Variants in GRID1 observed in about 807,000 individuals in gnomAD.
GRID1 encodes glutamate receptor ionotropic, delta-1.
A neutral mutation model predicts 98.0 loss-of-function variants in GRID1; 28 were observed. That is an observed-to-expected ratio of 0.29 (90% CI 0.21 to 0.39). The LOEUF (loss-of-function observed/expected upper bound fraction) is 0.39, where lower values mean the gene tolerates loss of function less well. Among genes scored for constraint, GRID1 ranks in the 10% least tolerant of loss-of-function variants. GRID1 has a pLI of 1.00. For missense variants in GRID1, 1,111 were observed against 1,340.5 expected, an observed-to-expected ratio of 0.83 and a Z score of 2.67; for synonymous variants, 553 against 538.5, an observed-to-expected ratio of 1.03 and a Z score of -0.37.
rs182620254 is a variant in GRID1 at position 86,221,511 on chromosome 10, G to A, written c.236-14863C>T. On this transcript the variant is annotated intron_variant, in intron 2 of 15. Transcript: ENST00000327946. ...AGCCTTTGTGGGCTGTGGGCTGTGG[G>A]AGTGGTGGAGGTCCAGCAGGTGGAG... Among the ~76,000 whole-genome samples the A allele has an allele frequency of 2.8e-4, 43 of 152,258 alleles. 1 individual carries two copies. Among genetic ancestry groups the A allele is most frequent in the Admixed American group, 2.3e-3 (35 of 15,304 alleles).
At chr10:86,085,234 C>T (rs1564670178) in intron 4 of GRID1, among the ~76,000 whole-genome samples, 1 of 152,182 alleles carries the variant, frequency 6.6e-6, no homozygotes, top group Non-Finnish European at 1.5e-5. Flanking sequence ...CAGCCTGGAA[C>T]CTTGGGTCCT....
intron 8 of GRID1, among the ~76,000 whole-genome samples, chr10:85,785,000 G>T (rs1842414108): frequency 6.6e-6 from 1 of 152,132 alleles, no homozygotes; most frequent in South Asian, 2.1e-4. Context: ...CTACACAATT[G>T]CAGAGGAGAT....
intron 3 of GRID1, among the ~76,000 whole-genome samples, chr10:86,194,810 C>A (rs1435093382): frequency 6.6e-6 from 1 of 151,958 alleles, no homozygotes; most frequent in African/African-American, 2.4e-5. Flanking sequence ...CACTCGGCCA[C>A]CAATGCTTAT....
At chr10:85,839,354 A>ATGG (rs1437144813) in intron 8 of GRID1, among the ~76,000 whole-genome samples, 1 of 152,214 alleles carries the variant, frequency 6.6e-6, no homozygotes, top group East Asian at 1.9e-4. Context: ...TCATTGCCAC[A>ATGG]TGGCACATAT....
intron 4 of GRID1, among the ~76,000 whole-genome samples, chr10:85,985,051 C>T (rs1302069140): frequency 6.6e-6 from 1 of 152,132 alleles, no homozygotes. Context: ...TCTCTGGGCT[C>T]TACCCACTAG....
At chr10:86,243,001 G>C (rs141746849) in intron 2 of GRID1, among the ~76,000 whole-genome samples, 2 of 152,286 alleles carry the variant, frequency 1.3e-5, no homozygotes, top group Non-Finnish European at 2.9e-5. Context: ...CAAGCTCCCT[G>C]TGTCTCAGCT....
intron 4 of GRID1, among the ~76,000 whole-genome samples, chr10:85,920,033 C>A (rs546934867): frequency 6.6e-6 from 1 of 152,256 alleles, no homozygotes; most frequent in Non-Finnish European, 1.5e-5. Flanking sequence ...CAGAGTGCCA[C>A]GAAAACAAAT....
At position 85,742,896 on chromosome 10, in the gene GRID1, T is replaced by C. The variant is rs143405960; in HGVS notation, c.1234-13282A>G. 3.5e-4 allele frequency among the ~76,000 whole-genome samples: 54 copies of C among 152,288 alleles called. No homozygotes were observed. The East Asian group carries it at 0.01, about 29-fold the overall frequency. Reference sequence around the variant, plus strand: ...TGCTCTAGGACAAAGCTTTTCAACCTGACACTATTGGCATTTGGGGCCAGA... The same window carrying C: ...TGCTCTAGGACAAAGCTTTTCAACCCGACACTATTGGCATTTGGGGCCAGA... On this transcript the variant is annotated intron_variant, in intron 8 of 15. Coordinates refer to ENST00000327946, the MANE Select transcript of GRID1 (RefSeq NM_017551.3).
At chr10:85,901,873 A>G (rs138458066) in intron 5 of GRID1, among the ~76,000 whole-genome samples, 106 of 152,332 alleles carry the variant, frequency 7.0e-4, no homozygotes, top group Non-Finnish European at 1.0e-3. Flanking sequence ...ATGACCTCAT[A>G]TATCTGCAAC....
At chr10:86,311,545 A>G (rs995054749) in intron 2 of GRID1, among the ~76,000 whole-genome samples, 31 of 152,140 alleles carry the variant, frequency 2.0e-4, no homozygotes, top group African/African-American at 7.5e-4. Context: ...CCACACTTGT[A>G]TGATAAATGC....
intron 4 of GRID1, among the ~76,000 whole-genome samples, chr10:86,129,733 G>C (rs1844806046): frequency 6.6e-6 from 1 of 152,190 alleles, no homozygotes; most frequent in Non-Finnish European, 1.5e-5. Flanking sequence ...CTGCACACTA[G>C]GGCCTATGCT....
Position 85,750,986 on chromosome 10 carries a change from G to C in GRID1, c.1234-21372C>G, listed in dbSNP as rs190538318. Among the ~76,000 whole-genome samples the C allele has an allele frequency of 2.2e-3, 335 of 152,310 alleles. 1 individual carries two copies. Among genetic ancestry groups the C allele is most frequent in the African/African-American group, 7.8e-3 (326 of 41,574 alleles). On this transcript the variant is annotated intron_variant, in intron 8 of 15. Transcript: ENST00000327946. Reference sequence around the variant, plus strand: ...TGACCCACAATGTTGGATAGTAATTGAATAGGAATCTTGTAACAGTTGAAG... The same window carrying C: ...TGACCCACAATGTTGGATAGTAATTCAATAGGAATCTTGTAACAGTTGAAG...
chr10:86,305,598 C>T (rs536028746), intron 2 of GRID1, among the ~76,000 whole-genome samples: 6 of 152,140 alleles, frequency 3.9e-5, no homozygotes, highest in African/African-American at 1.2e-4. Flanking sequence ...GGAGTGAGGG[C>T]CTCTGCATGC....
At chr10:86,338,181 T>G (rs1236212919) in intron 2 of GRID1, among the ~76,000 whole-genome samples, 1 of 152,160 alleles carries the variant, frequency 6.6e-6, no homozygotes, top group Non-Finnish European at 1.5e-5. Context: ...GGTTCATGGA[T>G]AGGCACATGA....
chr10:85,883,510 GTCTCTCTC>G (rs72270077), intron 5 of GRID1, among the ~76,000 whole-genome samples: 1 of 136,840 alleles, frequency 7.3e-6, no homozygotes, highest in Non-Finnish European at 1.6e-5. Flanking sequence ...CTCTCTCTCT[GTCTCTCTC>G]TCTCTCTCTC....
At chr10:86,294,459 G>A (rs573065987) in intron 2 of GRID1, among the ~76,000 whole-genome samples, 1 of 152,330 alleles carries the variant, frequency 6.6e-6, no homozygotes, top group South Asian at 2.1e-4. Context: ...GCCATTCCAA[G>A]AATCCAGGGG....
intron 4 of GRID1, among the ~76,000 whole-genome samples, chr10:86,009,459 G>C (rs1401247601): frequency 6.6e-6 from 1 of 152,174 alleles, no homozygotes; most frequent in Non-Finnish European, 1.5e-5. Context: ...TCAAGCAACA[G>C]AATTTGGGAA....
chr10:85,613,440 G>C lies in GRID1; in HGVS notation c.2568C>G (p.Asn856Lys), dbSNP rs1049729931. ...CLVAALELWW[N>K]SNRCHQETPK... ...GGGTCTCCTGGTGGCACCGGTTGCTGTTCCACCACAACTCCAGGGCAGCCA... is the reference window on the plus strand; with the variant it reads ...GGGTCTCCTGGTGGCACCGGTTGCTCTTCCACCACAACTCCAGGGCAGCCA... The change falls in exon 15 of 16, where the codon AAC becomes AAG. Residue 856 changes from asparagine (N) to lysine (K), a missense_variant. Asn to Lys is a moderately conservative substitution (Grantham distance 94, BLOSUM62 0). This residue lies in a region of GRID1 where 762 missense variants were observed against 869.1 expected (regional missense o/e 0.88). Coordinates refer to ENST00000327946, the MANE Select transcript of GRID1 (RefSeq NM_017551.3). 4 of 1,613,754 alleles carry C rather than the reference G, an allele frequency of 2.5e-6. No individual in the cohort carries two copies. The highest frequency in any genetic ancestry group is 1.3e-5 in the African/African-American group (1 of 75,060).
chr10:86,187,867 C>A (rs1845747852), intron 3 of GRID1, among the ~76,000 whole-genome samples: 1 of 152,214 alleles, frequency 6.6e-6, no homozygotes, highest in Non-Finnish European at 1.5e-5. Flanking sequence ...ACATAAGACA[C>A]ACAACTAGAG....
Sources: allele counts gnomAD v4.1 joint callset (sites outside exome capture counted in the v4.1 genomes callset), GRCh38; gene constraint gnomAD v4.1.1; regional missense constraint gnomAD v4.1.1; transcripts MANE v1.5; gene names NCBI Gene and HGNC (gene_info 2026-07-23, HGNC 2026-07-21).